Variants in NDFIP2 observed in about 807,000 individuals in gnomAD.
The protein encoded by NDFIP2 is NEDD4 family-interacting protein 2.
NDFIP2 carries 19 observed loss-of-function variants against 36.0 expected under a neutral mutation model. The ratio of observed to expected loss-of-function variants is 0.53; its 90% confidence interval spans 0.37 to 0.77. NDFIP2 has a LOEUF of 0.77. NDFIP2 is among the 30% of genes least tolerant of loss of function. The pLI is 0.00. For missense variants in NDFIP2, 446 were observed against 435.8 expected, an observed-to-expected ratio of 1.02 and a Z score of -0.21; for synonymous variants, 181 against 167.7, an observed-to-expected ratio of 1.08 and a Z score of -0.61.
intron 1 of NDFIP2, among the ~76,000 whole-genome samples, chr13:79,516,788 A>G (rs2137081102): frequency 6.6e-6 from 1 of 150,496 alleles, no homozygotes; most frequent in South Asian, 2.1e-4. Context: ...ACTGCTTGCC[A>G]AGCAACACTT....
intron 1 of NDFIP2, among the ~76,000 whole-genome samples, chr13:79,503,213 A>AATT (rs1300509803): frequency 7.9e-5 from 12 of 152,134 alleles, no homozygotes; most frequent in African/African-American, 2.9e-4. Flanking sequence ...GAATTGGAAC[A>AATT]CCTGCCATGG....
At chr13:79,502,865 A>T (rs1873718894) in intron 1 of NDFIP2, among the ~76,000 whole-genome samples, 1 of 151,242 alleles carries the variant, frequency 6.6e-6, no homozygotes, top group African/African-American at 2.4e-5. Context: ...CAGAAGAAAA[A>T]GTATTTATTT....
At chr13:79,525,012 C>T (rs2137091291) in intron 2 of NDFIP2, among the ~76,000 whole-genome samples, 1 of 152,328 alleles carries the variant, frequency 6.6e-6, no homozygotes, top group South Asian at 2.1e-4. Flanking sequence ...TAATCAGCTT[C>T]TTCAACTCTG....
chr13:79,547,427 A>C (rs1875730693), intron 5 of NDFIP2, among the ~76,000 whole-genome samples: 2 of 152,210 alleles, frequency 1.3e-5, no homozygotes, highest in African/African-American at 4.8e-5. Context: ...GGGTAAACAC[A>C]AGCTAATTTT....
At chr13:79,534,262 A>G (rs1875135760) in intron 3 of NDFIP2, among the ~76,000 whole-genome samples, 1 of 151,750 alleles carries the variant, frequency 6.6e-6, no homozygotes, top group African/African-American at 2.4e-5. Context: ...CTATATTAGC[A>G]TAGCCAGTTT....
chr13:79,520,867 A>G lies in NDFIP2; in HGVS notation c.379A>G (p.Asn127Asp). The change falls in exon 2 of 8, where the codon AAC (asparagine) becomes GAC (aspartate). Residue 127 changes from asparagine (N) to aspartate (D), a missense_variant. Transcript: ENST00000218652. Reference protein sequence around the residue: ...SSAIEQPPTSNPAPQIVQAAS... With the variant: ...SSAIEQPPTSDPAPQIVQAAS... ...GGCTATAGAGCAGCCACCTACTTCAAACCCAGCACCGCAGATTGTGCAGGC... is the reference window on the plus strand; with the variant it reads ...GGCTATAGAGCAGCCACCTACTTCAGACCCAGCACCGCAGATTGTGCAGGC... 6.2e-7 allele frequency: 1 copy of G among 1,613,986 alleles called. No homozygotes were observed. The highest frequency in any genetic ancestry group is 8.5e-7 in the Non-Finnish European group (1 of 1,179,922).
chr13:79,512,629 GA>G (rs1356019107), intron 1 of NDFIP2, among the ~76,000 whole-genome samples: 2 of 152,160 alleles, frequency 1.3e-5, no homozygotes, highest in Non-Finnish European at 2.9e-5. Flanking sequence ...ACCATTTGTG[GA>G]AAGGTATATT....
Position 79,543,551 on chromosome 13 carries a change from CT to C in NDFIP2, c.716-3del. On this transcript the variant is annotated splice_region_variant and splice_polypyrimidine_tract_variant and intron_variant, in intron 4 of 7. Coordinates refer to ENST00000218652, the MANE Select transcript of NDFIP2 (RefSeq NM_019080.3). ...GTTTATAAAAGAACGGTTTCTGTTGCTTTTAGTGGCATTTATTTTCAACTGG... is the reference window on the plus strand; with the variant it reads ...GTTTATAAAAGAACGGTTTCTGTTGCTTTAGTGGCATTTATTTTCAACTGG... 2 of 1,613,184 alleles carry C rather than the reference CT, an allele frequency of 1.2e-6. No individual in the cohort carries two copies. The highest frequency in any genetic ancestry group is 1.7e-6 in the Non-Finnish European group (2 of 1,179,612).
In NDFIP2 at chr13:79,481,328, G is replaced by T. The variant is rs768142127; in HGVS notation, c.125G>T (p.Gly42Val). The change falls in exon 1 of 8, where the codon GGA (glycine) becomes GTA (valine). Residue 42 changes from glycine to valine, a missense_variant. Physicochemically the swap from Gly to Val is moderately radical, Grantham distance 109. This residue lies in a region of NDFIP2 where 369 missense variants were observed against 304.8 expected (regional missense o/e 1.21). Coordinates refer to ENST00000218652, the MANE Select transcript of NDFIP2 (RefSeq NM_019080.3). ...TNAEVSAAAA[G>V]ATGSEELPPG... The stretch of plus-strand genomic sequence containing the variant: ...GCGGAGGTCTCGGCGGCCGCTGCGG[G>T]AGCCACAGGAAGTGAAGAGCTTCCG... 23 of 1,545,572 alleles carry T rather than the reference G, an allele frequency of 1.5e-5. No homozygotes were observed. The highest frequency in any genetic ancestry group is 2.6e-6 in the Non-Finnish European group (3 of 1,146,966).
chr13:79,506,678 C>G (rs943524043), intron 1 of NDFIP2, among the ~76,000 whole-genome samples: 10 of 152,130 alleles, frequency 6.6e-5, no homozygotes, highest in Admixed American at 6.5e-4. Flanking sequence ...TATAAAGAGA[C>G]AAGCAGTCTA....
At chr13:79,535,573 G>T (rs2137104236) in intron 3 of NDFIP2, among the ~76,000 whole-genome samples, 1 of 152,258 alleles carries the variant, frequency 6.6e-6, no homozygotes, top group East Asian at 1.9e-4. Flanking sequence ...AAATTTCATA[G>T]ACAGCAAAGT....
intron 1 of NDFIP2, among the ~76,000 whole-genome samples, chr13:79,511,468 G>T (rs1053427156): frequency 1.3e-5 from 2 of 152,104 alleles, no homozygotes; most frequent in East Asian, 3.8e-4. Flanking sequence ...AACTTTTAGG[G>T]TCAGATATTT....
intron 1 of NDFIP2, among the ~76,000 whole-genome samples, chr13:79,488,216 A>C (rs1342104672): frequency 6.6e-6 from 1 of 152,202 alleles, no homozygotes; most frequent in Non-Finnish European, 1.5e-5. Context: ...ACCAATACTC[A>C]AATGTGTTAT....
chr13:79,542,447 TC>T (rs1875491416), intron 4 of NDFIP2, among the ~76,000 whole-genome samples: 1 of 152,166 alleles, frequency 6.6e-6, no homozygotes. Flanking sequence ...GAATGAGAGT[TC>T]CTGTTGCTCT....
At chr13:79,543,469 T>A (rs1377485385) in intron 4 of NDFIP2, 89 bp from the exon 5 acceptor site, 1 of 1,493,532 alleles carries the variant, frequency 6.7e-7, no homozygotes, top group Non-Finnish European at 9.1e-7. Flanking sequence ...AGCTGCTGTT[T>A]CCATTGAGCC....
intron 1 of NDFIP2, among the ~76,000 whole-genome samples, chr13:79,506,272 CAT>C (rs57880947): frequency 0.011 from 1,726 of 152,206 alleles, 35 homozygotes; most frequent in African/African-American, 0.04. Context: ...AAAAACTTAA[CAT>C]GTTTGTCTTA....
rs781391613 is a variant in NDFIP2 at position 79,539,737 on chromosome 13, G to C, written c.677G>C (p.Arg226Thr). Residue 226 changes from arginine (R) to threonine (T), a missense_variant, in exon 4 of 8, where the codon AGA (arginine) becomes ACA (threonine). Around this residue, in one of 2 missense-constraint regions of NDFIP2, gnomAD observed 77 missense variants for 131.0 expected, o/e 0.59. Coordinates refer to ENST00000218652, the MANE Select transcript of NDFIP2 (RefSeq NM_019080.3). ...RDDFSDADQL[R>T]VGNDGIFMLA... ...GACTTCAGTGATGCAGACCAGCTCAGAGTGGGGAATGATGGCATTTTCATG... is the reference window on the plus strand; with the variant it reads ...GACTTCAGTGATGCAGACCAGCTCACAGTGGGGAATGATGGCATTTTCATG... 6.2e-7 allele frequency: 1 copy of C among 1,613,738 alleles called. No homozygotes were observed. The highest frequency in any genetic ancestry group is 1.3e-5 in the African/African-American group (1 of 74,904).
chr13:79,519,298 A>T (rs1363375574), intron 1 of NDFIP2: 1 of 152,240 alleles, frequency 6.6e-6, no homozygotes, highest in East Asian at 1.9e-4. Flanking sequence ...TTCTTTTGAA[A>T]TAGAGATTCC....
chr13:79,522,830 G>A (rs115275476), intron 2 of NDFIP2, among the ~76,000 whole-genome samples: 49 of 152,296 alleles, frequency 3.2e-4, no homozygotes, highest in African/African-American at 1.1e-3. Flanking sequence ...TGTCTCAAAT[G>A]TCACATGGTA....
Sources: allele counts gnomAD v4.1 joint callset (sites outside exome capture counted in the v4.1 genomes callset), GRCh38; gene constraint gnomAD v4.1.1; regional missense constraint gnomAD v4.1.1; transcripts MANE v1.5; gene names NCBI Gene and HGNC (gene_info 2026-07-23, HGNC 2026-07-21).